PTPRG: variants seen among roughly 807,000 people sequenced by gnomAD.
The protein encoded by PTPRG is receptor-type tyrosine-protein phosphatase gamma.
PTPRG carries 102 observed loss-of-function variants against 165.3 expected under a neutral mutation model. The ratio of observed to expected loss-of-function variants is 0.62; its 90% CI spans 0.53 to 0.73. The LOEUF is 0.73. Among genes scored for constraint, PTPRG ranks in the 30% least tolerant of loss-of-function variants. PTPRG has a pLI of 0.00. For missense variants in PTPRG, 1,866 were observed against 1,861.4 expected (o/e 1.00, Z -0.05); for synonymous variants, 675 against 669.5 (o/e 1.01, Z -0.13).
At chr3:62,113,630 C>A (rs1702750180) in intron 5 of PTPRG, among the ~76,000 whole-genome samples, 1 of 152,140 alleles carries the variant, frequency 6.6e-6, no homozygotes, top group African/African-American at 2.4e-5. Flanking sequence ...TGTCAAGCAA[C>A]ATGAGGGACT....
At chr3:61,978,577 T>G (rs1278207175) in intron 2 of PTPRG, among the ~76,000 whole-genome samples, 1 of 152,236 alleles carries the variant, frequency 6.6e-6, no homozygotes, top group Non-Finnish European at 1.5e-5. Context: ...TGAAATTTAA[T>G]ATGCTTTCTT....
chr3:62,048,889 T>G lies in PTPRG; in HGVS notation c.520-29274T>G, dbSNP rs192231117. Among the ~76,000 whole-genome samples, 15 of 152,310 alleles carry G rather than the reference T, an allele frequency of 9.8e-5. No individual in the cohort carries two copies. The East Asian group carries it at 2.9e-3, about 29-fold the overall frequency. The stretch of plus-strand genomic sequence containing the variant: ...AATTGGTCCAGTGGAGGCACATAAC[T>G]TTCATTTAATTAAAGGCGCTGAGTA... On this transcript the variant is annotated intron_variant, in intron 4 of 29. Coordinates refer to ENST00000474889, the MANE Select transcript of PTPRG (RefSeq NM_002841.4).
intron 1 of PTPRG, among the ~76,000 whole-genome samples, chr3:61,603,852 G>A (rs11929417): frequency 0.014 from 2,170 of 152,174 alleles, 40 homozygotes; most frequent in African/African-American, 0.049. Flanking sequence ...TACCATCAGT[G>A]TCTCTCTCCC....
chr3:62,123,238 G>T (rs1309326447), intron 5 of PTPRG, among the ~76,000 whole-genome samples: 1 of 152,028 alleles, frequency 6.6e-6, no homozygotes, highest in Non-Finnish European at 1.5e-5. Flanking sequence ...GTTCCTCAAG[G>T]GCTATTTGAC....
chr3:62,000,982 T>C (rs1321346634), intron 3 of PTPRG, among the ~76,000 whole-genome samples: 1 of 151,006 alleles, frequency 6.6e-6, no homozygotes, highest in African/African-American at 2.5e-5. Flanking sequence ...CACAGAGAAG[T>C]TGGGTAACCT....
At chr3:62,150,582 C>A (rs1435243514) in intron 6 of PTPRG, among the ~76,000 whole-genome samples, 1 of 152,080 alleles carries the variant, frequency 6.6e-6, no homozygotes, top group Non-Finnish European at 1.5e-5. Context: ...CTATCCACTC[C>A]TTCCTTCCCT....
chr3:62,124,590 C>T (rs565965533), intron 5 of PTPRG: 27 of 1,249,478 alleles, frequency 2.2e-5, no homozygotes, highest in East Asian at 9.3e-5. Flanking sequence ...ATGGACCTCA[C>T]GGGACTGAAG....
At chr3:61,646,038 T>G (rs1432617349) in intron 1 of PTPRG, among the ~76,000 whole-genome samples, 1 of 152,224 alleles carries the variant, frequency 6.6e-6, no homozygotes, top group Non-Finnish European at 1.5e-5. Context: ...AAATAAGGAC[T>G]CCTCCATTCA....
intron 4 of PTPRG, among the ~76,000 whole-genome samples, chr3:62,069,208 C>T (rs1376959555): frequency 6.6e-6 from 1 of 152,204 alleles, no homozygotes; most frequent in East Asian, 1.9e-4. Flanking sequence ...CCAAAGCAAG[C>T]GCTTAGCGAA....
At chr3:62,094,153 C>T (rs349156) in intron 5 of PTPRG, among the ~76,000 whole-genome samples, 29,841 of 151,956 alleles carry the variant, frequency 0.2, 2,970 homozygotes, top group South Asian at 0.27. Flanking sequence ...AACTAGAAAA[C>T]GGTAGGATTT....
At chr3:62,130,174 GACTC>G (rs1310178552) in intron 5 of PTPRG, among the ~76,000 whole-genome samples, 2 of 152,162 alleles carry the variant, frequency 1.3e-5, no homozygotes, top group African/African-American at 2.4e-5. Flanking sequence ...GTCTCAAATG[GACTC>G]ACTCACCTGT....
chr3:61,797,661 A>G (rs2035094931), intron 2 of PTPRG, among the ~76,000 whole-genome samples: 6 of 137,448 alleles, frequency 4.4e-5, no homozygotes. Flanking sequence ...TAGGTTTTCC[A>G]TCTAGTGCCA....
chr3:61,852,298 T>C (rs2036984858), intron 2 of PTPRG, among the ~76,000 whole-genome samples: 1 of 152,224 alleles, frequency 6.6e-6, no homozygotes, highest in South Asian at 2.1e-4. Flanking sequence ...TTATGGTCAG[T>C]TATAAAGTTG....
chr3:62,271,449 T>C lies in PTPRG; in HGVS notation c.3076T>C (p.Trp1026Arg), dbSNP rs1333081792. 1 of 1,613,684 alleles carries C rather than the reference T, an allele frequency of 6.2e-7. No individual in the cohort carries two copies. Among genetic ancestry groups the C allele is most frequent in the South Asian group, 1.1e-5 (1 of 91,062 alleles). ...RVVIQYHYTQ[W>R]PDMGVPEYAL... is the part of the protein sequence containing the mutation. ...AGTGATCCAGTATCACTATACACAGTGGCCTGACATGGGAGTTCCCGAGTA... is the reference window on the plus strand; with the variant it reads ...AGTGATCCAGTATCACTATACACAGCGGCCTGACATGGGAGTTCCCGAGTA... Residue 1026 changes from tryptophan to arginine, a missense_variant, in exon 21 of 30, where the codon TGG becomes CGG. This residue lies in a region of PTPRG where 1,452 missense variants were observed against 1,463.0 expected (regional missense o/e 0.99). Coordinates refer to ENST00000474889, the MANE Select transcript of PTPRG (RefSeq NM_002841.4). The surrounding 1 kb of genome is among the most constrained non-coding windows in gnomAD (Gnocchi z 4.1).
At chr3:61,702,267 C>T (rs1027941388) in intron 1 of PTPRG, among the ~76,000 whole-genome samples, 45 of 152,090 alleles carry the variant, frequency 3.0e-4, no homozygotes, top group African/African-American at 1.1e-3. Flanking sequence ...GCGTGAGCCA[C>T]CGCGTCTGGC....
rs140549867 is a variant in PTPRG at position 61,801,801 on chromosome 3, G to A, written c.190+52819G>A. On this transcript the variant is annotated intron_variant, in intron 2 of 29. Transcript: ENST00000474889. ...ACTTTCTCAGAAGGCCCAGAGGGCC[G>A]GATGCCAGGAGTTTGAGACCCGCCT... 9.0e-4 allele frequency among the ~76,000 whole-genome samples: 137 copies of A among 152,146 alleles called. 2 individuals carry two copies. Among genetic ancestry groups the A allele is most frequent in the Non-Finnish European group, 1.6e-3 (106 of 68,004 alleles).
At chr3:61,755,868 GCT>G (rs148088396) in intron 2 of PTPRG, among the ~76,000 whole-genome samples, 2,113 of 152,298 alleles carry the variant, frequency 0.014, 26 homozygotes, top group African/African-American at 0.028. Flanking sequence ...TAATTAAAGA[GCT>G]TCACCTGGAA....
chr3:62,236,716 A>G (rs1179278840), intron 14 of PTPRG, among the ~76,000 whole-genome samples: 1 of 152,164 alleles, frequency 6.6e-6, no homozygotes, highest in South Asian at 2.1e-4. Flanking sequence ...TCTAATTCCT[A>G]TATACCAACA....
chr3:61,599,016 A>G (rs1282058057), intron 1 of PTPRG, among the ~76,000 whole-genome samples: 1 of 152,166 alleles, frequency 6.6e-6, no homozygotes, highest in Non-Finnish European at 1.5e-5. Context: ...TTTCAATTCA[A>G]CACATACAGA....
Sources: allele counts gnomAD v4.1 joint callset (sites outside exome capture counted in the v4.1 genomes callset), GRCh38; gene constraint gnomAD v4.1.1; regional missense constraint gnomAD v4.1.1; non-coding constraint Gnocchi (gnomAD v3.1); transcripts MANE v1.5; gene names NCBI Gene and HGNC (gene_info 2026-07-23, HGNC 2026-07-21).